The following SMAD6 variants were observed in gnomAD, a reference collection of about 807,000 sequenced individuals.
SMAD6 encodes the protein SMAD family member 6.
SMAD6 carries 103 observed loss-of-function variants against 39.4 expected under a neutral mutation model. The observed-to-expected ratio is 2.62, with a 90% confidence interval of 2.23 to 3.08. The LOEUF is 3.08. Ranked by LOEUF, SMAD6 falls within the 30% of genes most tolerant of loss-of-function variation. The probability of loss-of-function intolerance (pLI) is 0.00; values close to 1 mark genes in which losing one functional copy is unlikely to be tolerated. For synonymous variants in SMAD6, 445 were observed against 353.3 expected (o/e 1.26, Z -2.91); for missense variants, 1,104 against 742.9 (o/e 1.49, Z -5.65).
rs1279828852 is a variant in SMAD6 at position 66,703,840 on chromosome 15, G to A, written c.582G>A (p.Ala194=). 6 of 1,386,968 alleles carry A rather than the reference G, an allele frequency of 4.3e-6. No homozygotes were observed. The highest frequency in any genetic ancestry group is 6.7e-5 in the East Asian group (2 of 29,934). 85.9% of individuals were successfully genotyped at this position (1,386,968 alleles called of 1,614,324 possible). ...KERSLDTLLE[A]VESRGGVPGG... ...GCTCGCTGGACACGCTGCTGGAGGC[G>A]GTGGAGTCCCGCGGCGGCGTGCCGG... Residue 194 remains alanine (A), a synonymous_variant, in exon 1 of 4, where the codon GCG becomes GCA. Coordinates refer to ENST00000288840, the MANE Select transcript of SMAD6 (RefSeq NM_005585.5).
chr15:66,755,992 A>G (rs1187384791), intron 3 of SMAD6, among the ~76,000 whole-genome samples: 1 of 152,052 alleles, frequency 6.6e-6, no homozygotes, highest in African/African-American at 2.4e-5. Flanking sequence ...GGAGGAAGGA[A>G]AAGATTCCCA....
In SMAD6 at chr15:66,781,277, C is replaced by T; in HGVS notation, c.1233C>T (p.Phe411=). ...WAYNRGEHPI[F]VNSPTLDAPG... ...ACAACCGCGGCGAGCACCCCATCTTCGTCAACTCCCCGACGCTGGACGCGC... is the reference window on the plus strand; with the variant it reads ...ACAACCGCGGCGAGCACCCCATCTTTGTCAACTCCCCGACGCTGGACGCGC... Residue 411 remains phenylalanine, a synonymous_variant, in exon 4 of 4, where the codon TTC becomes TTT. Coordinates refer to ENST00000288840, the MANE Select transcript of SMAD6 (RefSeq NM_005585.5). 1.2e-6 allele frequency: 2 copies of T among 1,607,206 alleles called. No homozygotes were observed. Among genetic ancestry groups the T allele is most frequent in the Non-Finnish European group, 1.7e-6 (2 of 1,178,712 alleles).
intron 1 of SMAD6, among the ~76,000 whole-genome samples, chr15:66,711,132 A>T (rs1477760071): frequency 6.6e-6 from 1 of 152,232 alleles, no homozygotes; most frequent in Non-Finnish European, 1.5e-5. Context: ...ATTTTAGTAT[A>T]AGTACACCCC....
chr15:66,742,412 C>T (rs1189039147), intron 3 of SMAD6, among the ~76,000 whole-genome samples: 2 of 152,136 alleles, frequency 1.3e-5, no homozygotes, highest in East Asian at 1.9e-4. Flanking sequence ...AAGTTACTTT[C>T]ATTCCACCTT....
intron 3 of SMAD6, among the ~76,000 whole-genome samples, chr15:66,726,869 A>AT (rs951554712): frequency 1.3e-3 from 190 of 146,080 alleles, no homozygotes; most frequent in East Asian, 2.0e-3. Flanking sequence ...GGGCATTGGG[A>AT]TTTTTTTTTT....
intron 3 of SMAD6, among the ~76,000 whole-genome samples, chr15:66,742,074 GC>G (rs1893825277): frequency 6.6e-6 from 1 of 152,176 alleles, no homozygotes; most frequent in Admixed American, 6.5e-5. Flanking sequence ...TGTCCCCAGT[GC>G]CCCACACACT....
chr15:66,737,462 T>C (rs1017719406), intron 3 of SMAD6, among the ~76,000 whole-genome samples: 1 of 152,170 alleles, frequency 6.6e-6, no homozygotes, highest in African/African-American at 2.4e-5. Flanking sequence ...GCTAGCTCAG[T>C]ACTTCTCCAC....
At chr15:66,771,380 C>G (rs533606699) in intron 3 of SMAD6, among the ~76,000 whole-genome samples, 60 of 152,282 alleles carry the variant, frequency 3.9e-4, no homozygotes, top group African/African-American at 1.4e-3. Context: ...AGAATGGAAA[C>G]CTTACCCATC....
At chr15:66,768,528 AG>A (rs1338199164) in intron 3 of SMAD6, among the ~76,000 whole-genome samples, 2 of 152,216 alleles carry the variant, frequency 1.3e-5, no homozygotes, top group East Asian at 3.8e-4. Flanking sequence ...GATGACTTGT[AG>A]ACTTTAGGTG....
Position 66,703,679 on chromosome 15 carries a change from G to GCCAGCGACC in SMAD6, c.424_432dup (p.Ser142_Pro144dup). On this transcript the variant is annotated inframe_insertion, in exon 1 of 4. Coordinates refer to ENST00000288840, the MANE Select transcript of SMAD6 (RefSeq NM_005585.5). Reference sequence around the variant, plus strand: ...GGACGCCGCCGGCGCGCCCCGGGACGCCAGCGACCCCCTGGCCGGGGCGGC... The same window carrying GCCAGCGACC: ...GGACGCCGCCGGCGCGCCCCGGGACGCCAGCGACCCCAGCGACCCCCTGGCCGGGGCGGC... 16 of 1,234,040 alleles carry GCCAGCGACC rather than the reference G, an allele frequency of 1.3e-5. No individual in the cohort carries two copies. Among genetic ancestry groups the GCCAGCGACC allele is most frequent in the Non-Finnish European group, 1.6e-5 (16 of 987,726 alleles). The allele number at this position is 1,234,040 out of a possible 1,614,324, so 76.4% of individuals were successfully genotyped here.
Position 66,703,713 on chromosome 15 carries a change from CG to C in SMAD6, c.457del (p.Ala153ArgfsTer28). The C allele has an allele frequency of 7.5e-7, 1 of 1,334,844 alleles. No individual in the cohort carries two copies. The highest frequency in any genetic ancestry group is 9.7e-7 in the Non-Finnish European group (1 of 1,030,164). 82.7% of individuals were successfully genotyped at this position (1,334,844 alleles called of 1,614,324 possible). A position where few individuals can be genotyped will look rare whatever the true frequency, so the allele number is the denominator to read the frequency against. On this transcript the variant is annotated frameshift_variant, in exon 1 of 4. Coordinates refer to ENST00000288840, the MANE Select transcript of SMAD6 (RefSeq NM_005585.5). LOFTEE classifies it high-confidence loss of function. ...SDPLAGAALE[P>X]AGGGRSREAR... is the part of the protein sequence containing the mutation. ...CCCCTGGCCGGGGCGGCCCTGGAGC[CG>C]GCGGGCGGCGGGCGGAGTCGCGAAG...
chr15:66,744,726 G>T (rs1000653626), intron 3 of SMAD6, among the ~76,000 whole-genome samples: 2 of 152,224 alleles, frequency 1.3e-5, no homozygotes, highest in Admixed American at 1.3e-4. Flanking sequence ...CAAGAACGTT[G>T]GTAGAGTGGT....
rs778035893 is a variant in SMAD6 at position 66,703,744 on chromosome 15, C to G, written c.486C>G (p.Arg162=). 8 of 1,383,178 alleles carry G rather than the reference C, an allele frequency of 5.8e-6. No individual in the cohort carries two copies. Among genetic ancestry groups the G allele is most frequent in the East Asian group, 3.4e-5 (1 of 29,498 alleles). 85.7% of individuals were successfully genotyped at this position (1,383,178 alleles called of 1,614,324 possible). Residue 162 remains arginine (R), a synonymous_variant, in exon 1 of 4, where the codon CGC becomes CGG. Coordinates refer to ENST00000288840, the MANE Select transcript of SMAD6 (RefSeq NM_005585.5). ...PAGGGRSREA[R]SRLLLLEQEL... ...GCGGCGGGCGGAGTCGCGAAGCGCG[C>G]TCGCGGCTGCTGCTGCTGGAGCAGG...
chr15:66,738,369 T>C (rs1469796070), intron 3 of SMAD6, among the ~76,000 whole-genome samples: 1 of 152,188 alleles, frequency 6.6e-6, no homozygotes, highest in Non-Finnish European at 1.5e-5. Context: ...ACACTGGGGC[T>C]GTGCACACGT....
chr15:66,720,805 T>A (rs914569420), intron 3 of SMAD6, among the ~76,000 whole-genome samples: 2 of 152,226 alleles, frequency 1.3e-5, no homozygotes, highest in African/African-American at 4.8e-5. Flanking sequence ...GCAGTCACTG[T>A]CCAGCTATGT....
chr15:66,778,490 G>T, intron 3 of SMAD6, among the ~76,000 whole-genome samples: 1 of 152,204 alleles, frequency 6.6e-6, no homozygotes, highest in East Asian at 1.9e-4. Flanking sequence ...CTGTCTCAGA[G>T]CCTTGTCTGT....
At chr15:66,752,096 A>C (rs961420625) in intron 3 of SMAD6, among the ~76,000 whole-genome samples, 2 of 139,596 alleles carry the variant, frequency 1.4e-5, no homozygotes, top group African/African-American at 5.5e-5. Context: ...GTTGCTCCTC[A>C]GGGAAACCAT....
At chr15:66,758,340 A>G (rs1329211683) in intron 3 of SMAD6, among the ~76,000 whole-genome samples, 3 of 152,210 alleles carry the variant, frequency 2.0e-5, no homozygotes, top group Non-Finnish European at 4.4e-5. Flanking sequence ...AAACAACAAC[A>G]AAACATGATA....
At chr15:66,716,906 G>A (rs1444988109) in intron 3 of SMAD6, 2 of 1,099,060 alleles carry the variant, frequency 1.8e-6, no homozygotes, top group Admixed American at 2.4e-5. Context: ...AATGTGAAGG[G>A]TCAGAAGATT....
Sources: gnomAD v4.1 joint callset for allele counts (sites outside exome capture counted in the v4.1 genomes callset) on GRCh38, gnomAD v4.1.1 for gene constraint, MANE v1.5 for transcripts, NCBI Gene and HGNC (gene_info 2026-07-23, HGNC 2026-07-21) for gene names.